Variants in ANKRD44 observed in about 807,000 individuals in gnomAD.
ANKRD44 encodes the protein ankyrin repeat domain 44, also known as serine/threonine-protein phosphatase 6 regulatory ankyrin repeat subunit B.
ANKRD44 carries 35 observed loss-of-function variants against 116.0 expected under a neutral mutation model. The observed-to-expected ratio is 0.30, with a 90% CI of 0.23 to 0.40. The LOEUF is 0.40. Among genes scored for constraint, ANKRD44 ranks in the 10% least tolerant of loss-of-function variants. The pLI, the probability that ANKRD44 is intolerant of heterozygous loss-of-function variation, is 1.00. For missense variants in ANKRD44, 1,014 were observed against 1,242.6 expected (o/e 0.82, Z 2.77); for synonymous variants, 435 against 461.8 (o/e 0.94, Z 0.74).
chr2:197,310,549 TC>T, intron 1 of ANKRD44, 28 bp downstream of exon 1: 1 of 1,133,714 alleles, frequency 8.8e-7, no homozygotes. Flanking sequence ...CGCCCGCGCG[TC>T]CCGCCCGCCG....
chr2:196,995,627 C>G lies in ANKRD44; in HGVS notation c.2749-166G>C, dbSNP rs541772034. ...TTTTCTTCTCAACAACAAATGGGCTCCAGACACTCTAAGAGTCCTAATAAG... is the reference window on the plus strand; with the variant it reads ...TTTTCTTCTCAACAACAAATGGGCTGCAGACACTCTAAGAGTCCTAATAAG... On this transcript the variant is annotated intron_variant, in intron 25 of 27. Coordinates refer to ENST00000282272, the MANE Select transcript of ANKRD44 (RefSeq NM_001195144.2). 1.1e-4 allele frequency among the ~76,000 whole-genome samples: 16 copies of G among 152,094 alleles called. No individual in the cohort carries two copies. In the East Asian group the frequency reaches 3.1e-3, roughly 29 times the overall value.
At position 196,989,608 on chromosome 2, in the gene ANKRD44, C is replaced by T; in HGVS notation, c.2965G>A (p.Val989Ile). Residue 989 changes from valine to isoleucine, a missense_variant, in exon 28 of 28, where the codon GTA becomes ATA. Val to Ile is a conservative substitution (Grantham distance 29). Coordinates refer to ENST00000282272, the MANE Select transcript of ANKRD44 (RefSeq NM_001195144.2). The part of the protein sequence containing the change: ...NGPRSTPGTA[V>I]QKEE ...AAAGAGTCTCATTCTTCTTTTTGTA[C>T]AGCGGTTCCAGGTGTGGAACGGGGT... is the stretch of plus-strand genomic sequence containing the variant. 3 of 1,550,036 alleles carry T rather than the reference C, an allele frequency of 1.9e-6. No homozygotes were observed. The highest frequency in any genetic ancestry group is 2.6e-6 in the Non-Finnish European group (3 of 1,146,708).
chr2:197,175,086 A>G (rs2080332715), intron 2 of ANKRD44, among the ~76,000 whole-genome samples: 1 of 152,232 alleles, frequency 6.6e-6, no homozygotes. Context: ...TTCATAATAA[A>G]AAAAGATTTT....
intron 21 of ANKRD44, among the ~76,000 whole-genome samples, chr2:196,974,968 A>G (rs1387388652): frequency 1.3e-5 from 2 of 152,134 alleles, no homozygotes; most frequent in East Asian, 3.8e-4. Flanking sequence ...AAGATTAATT[A>G]CAAATAACAA....
At chr2:197,186,946 T>A (rs995169340) in intron 2 of ANKRD44, 77 bp downstream of exon 2, 2 of 1,157,402 alleles carry the variant, frequency 1.7e-6, no homozygotes, top group Non-Finnish European at 2.6e-6. Flanking sequence ...CAAGAGTCCA[T>A]GGTATATAAA....
At position 197,136,578 on chromosome 2, in the gene ANKRD44, T is replaced by C. The variant is rs1180614556; in HGVS notation, c.261+14A>G. On this transcript the variant is annotated intron_variant, in intron 4 of 27. Coordinates refer to ENST00000282272, the MANE Select transcript of ANKRD44 (RefSeq NM_001195144.2). ...GGCACAGTAGGTATTAGATTAAATA[T>C]GGTAATCACTCACTTCACTTCTGGA... 2 of 1,611,330 alleles carry C rather than the reference T, an allele frequency of 1.2e-6. No homozygotes were observed. The highest frequency in any genetic ancestry group is 1.7e-6 in the Non-Finnish European group (2 of 1,177,580).
intron 1 of ANKRD44, among the ~76,000 whole-genome samples, chr2:197,242,265 G>T (rs1436575590): frequency 2.0e-5 from 3 of 152,086 alleles, no homozygotes; most frequent in African/African-American, 7.2e-5. Context: ...ACAGATCTAT[G>T]TAGCAAATAT....
chr2:197,234,889 TGAAAACA>T (rs533688794), intron 1 of ANKRD44, among the ~76,000 whole-genome samples: 48 of 152,282 alleles, frequency 3.2e-4, no homozygotes, highest in African/African-American at 1.1e-3. Context: ...GTGATAAGCA[TGAAAACA>T]GGGCGAACTC....
intron 16 of ANKRD44, chr2:197,029,621 G>C (rs887172090): frequency 2.3e-4 from 90 of 388,606 alleles, no homozygotes; most frequent in African/African-American, 1.9e-3. Context: ...GTCACTCCAG[G>C]GATGTTTCTG....
At chr2:197,129,465 G>A (rs191929412) in intron 4 of ANKRD44, among the ~76,000 whole-genome samples, 244 of 152,260 alleles carry the variant, frequency 1.6e-3, no homozygotes, top group Non-Finnish European at 2.6e-3. Context: ...ACGAACACCT[G>A]TGAGGATTCT....
At chr2:197,013,749 G>C in intron 17 of ANKRD44, 37 bp from the exon 18 acceptor site, 1 of 1,607,436 alleles carries the variant, frequency 6.2e-7, no homozygotes, top group East Asian at 2.2e-5. Flanking sequence ...ATGCTTGCTC[G>C]CTCACCTCAA....
chr2:197,296,294 G>A (rs2083721155), intron 1 of ANKRD44: 1 of 152,054 alleles, frequency 6.6e-6, no homozygotes, highest in African/African-American at 2.4e-5. Context: ...CCTTTTGAGG[G>A]GCCAAATTAC....
At chr2:197,172,778 C>T (rs918404395) in intron 2 of ANKRD44, among the ~76,000 whole-genome samples, 1 of 152,048 alleles carries the variant, frequency 6.6e-6, no homozygotes, top group Non-Finnish European at 1.5e-5. Flanking sequence ...GTTGCTTAGG[C>T]TGGTTTCACA....
intron 9 of ANKRD44, among the ~76,000 whole-genome samples, chr2:197,105,445 G>A (rs142956555): frequency 7.9e-5 from 12 of 152,176 alleles, no homozygotes; most frequent in African/African-American, 2.9e-4. Flanking sequence ...AGATAATAGA[G>A]TATGATCACT....
intron 1 of ANKRD44, chr2:197,296,672 T>C (rs542524851): frequency 6.6e-6 from 1 of 152,216 alleles, no homozygotes; most frequent in Non-Finnish European, 1.5e-5. Context: ...CTGTGACCCT[T>C]TTTACTTTGC....
chr2:197,183,180 C>G (rs1315230604), intron 2 of ANKRD44, among the ~76,000 whole-genome samples: 1 of 152,054 alleles, frequency 6.6e-6, no homozygotes, highest in Non-Finnish European at 1.5e-5. Flanking sequence ...CTTTCTATAT[C>G]AGGATCAGTT....
intron 1 of ANKRD44, among the ~76,000 whole-genome samples, chr2:197,283,375 G>T (rs1266559262): frequency 6.6e-6 from 1 of 152,196 alleles, no homozygotes; most frequent in Non-Finnish European, 1.5e-5. Context: ...TAACCTTCAT[G>T]CCAGTCTCTC....
intron 12 of ANKRD44, 31 bp downstream of exon 12, chr2:197,088,680 C>G: frequency 4.0e-6 from 6 of 1,494,910 alleles, no homozygotes; most frequent in Non-Finnish European, 5.5e-6. Flanking sequence ...ATTAGTAACT[C>G]ATAAATTAAC....
At chr2:197,230,693 G>C (rs1016838326) in intron 1 of ANKRD44, among the ~76,000 whole-genome samples, 4 of 152,204 alleles carry the variant, frequency 2.6e-5, no homozygotes, top group Admixed American at 6.5e-5. Context: ...GTATCCCACA[G>C]TAACAGTTTC....
Sources: allele counts gnomAD v4.1 joint callset (sites outside exome capture counted in the v4.1 genomes callset), GRCh38; gene constraint gnomAD v4.1.1; transcripts MANE v1.5; gene names NCBI Gene and HGNC (gene_info 2026-07-23, HGNC 2026-07-21).